Variants in ATRNL1 observed in about 807,000 individuals in gnomAD.
The protein encoded by ATRNL1 is attractin like 1, also known as attractin-like protein 1.
A neutral mutation model predicts 182.7 loss-of-function variants in ATRNL1; 95 were observed. The ratio of observed to expected loss-of-function variants is 0.52; its 90% CI spans 0.44 to 0.62. The LOEUF (loss-of-function observed/expected upper bound fraction) is 0.62. Among genes scored for constraint, ATRNL1 ranks in the 20% least tolerant of loss-of-function variants. ATRNL1 has a pLI of 0.00. For synonymous variants in ATRNL1, 576 were observed against 568.3 expected, an observed-to-expected ratio of 1.01 and a Z score of -0.19; for missense variants, 1,471 against 1,679.5, an observed-to-expected ratio of 0.88 and a Z score of 2.17.
chr10:115,257,284 A>T, intron 10 of ATRNL1, among the ~76,000 whole-genome samples: 1 of 152,168 alleles, frequency 6.6e-6, no homozygotes, highest in East Asian at 1.9e-4. Context: ...TAGGTCTCCA[A>T]GGGCTTGCTT....
At chr10:115,588,996 GT>G (rs1319887478) in intron 26 of ATRNL1, among the ~76,000 whole-genome samples, 1 of 152,102 alleles carries the variant, frequency 6.6e-6, no homozygotes, top group Non-Finnish European at 1.5e-5. Context: ...TGCTAAATAA[GT>G]TATGACTAAC....
chr10:115,326,802 T>G (rs1854914398), intron 18 of ATRNL1, among the ~76,000 whole-genome samples: 1 of 152,174 alleles, frequency 6.6e-6, no homozygotes, highest in South Asian at 2.1e-4. Flanking sequence ...TATCTGATCT[T>G]TGACAAACCT....
At chr10:115,448,746 G>GT (rs1163290475) in intron 21 of ATRNL1, among the ~76,000 whole-genome samples, 1 of 152,008 alleles carries the variant, frequency 6.6e-6, no homozygotes, top group African/African-American at 2.4e-5. Flanking sequence ...CTAGGAGTTG[G>GT]TTTTTTGAAA....
At position 115,383,846 on chromosome 10, in the gene ATRNL1, C is replaced by A. The variant is rs782185086; in HGVS notation, c.3176-10813C>A. Among the ~76,000 whole-genome samples, 67 of 151,818 alleles carry A rather than the reference C, an allele frequency of 4.4e-4. 1 individual carries two copies. The highest frequency in any genetic ancestry group is 1.5e-4 in the Non-Finnish European group (10 of 67,826). ...GTTCAAATACTGTAAAATTTAGTTA[C>A]CTTTTCCAAATACAGACTCAGAAAA... is the stretch of plus-strand genomic sequence containing the variant. On this transcript the variant is annotated intron_variant, in intron 19 of 28. Coordinates refer to ENST00000355044, the MANE Select transcript of ATRNL1 (RefSeq NM_207303.4).
intron 26 of ATRNL1, among the ~76,000 whole-genome samples, chr10:115,570,760 T>C (rs1464825861): frequency 6.6e-6 from 1 of 152,196 alleles, no homozygotes; most frequent in East Asian, 1.9e-4. Context: ...TCTTTGGAGC[T>C]TACTAATGAG....
At chr10:115,758,226 TGGA>T (rs1183198308) in intron 27 of ATRNL1, among the ~76,000 whole-genome samples, 5 of 152,094 alleles carry the variant, frequency 3.3e-5, no homozygotes, top group Non-Finnish European at 7.3e-5. Flanking sequence ...TGTGATCCTT[TGGA>T]GGAGGAGAGG....
intron 26 of ATRNL1, among the ~76,000 whole-genome samples, chr10:115,615,079 G>A (rs1201856813): frequency 6.6e-6 from 1 of 151,636 alleles, no homozygotes; most frequent in African/African-American, 2.4e-5. Context: ...ATCATTTTCT[G>A]ATTATTGTGT....
Position 115,200,114 on chromosome 10 carries a change from A to G in ATRNL1, c.1349-15583A>G, listed in dbSNP as rs568095248. On this transcript the variant is annotated intron_variant, in intron 8 of 28. Transcript: ENST00000355044. ...CCATTAAAGTAAGATACAAAGAACA[A>G]ATACAGTTCAGTTTTATCACATTTA... Among the ~76,000 whole-genome samples, 5 of 152,180 alleles carry G rather than the reference A, an allele frequency of 3.3e-5. No homozygotes were observed. The East Asian group carries it at 9.7e-4, about 29-fold the overall frequency.
chr10:115,504,550 G>C (rs782736680), intron 24 of ATRNL1, among the ~76,000 whole-genome samples: 11 of 151,956 alleles, frequency 7.2e-5, no homozygotes, highest in Non-Finnish European at 1.3e-4. Flanking sequence ...CTTGGGCTGG[G>C]TTTAAAGTTT....
chr10:115,100,155 G>A (rs532080904), intron 1 of ATRNL1, among the ~76,000 whole-genome samples: 1 of 152,212 alleles, frequency 6.6e-6, no homozygotes, highest in African/African-American at 2.4e-5. Context: ...TTAGCTGGTC[G>A]TGGCGGTGTG....
intron 27 of ATRNL1, among the ~76,000 whole-genome samples, chr10:115,838,483 G>A (rs1296316359): frequency 6.6e-6 from 1 of 152,142 alleles, no homozygotes; most frequent in Non-Finnish European, 1.5e-5. Flanking sequence ...TTACAGAAAA[G>A]CAGTCACTTT....
intron 9 of ATRNL1, among the ~76,000 whole-genome samples, chr10:115,226,088 G>T (rs539580359): frequency 6.6e-6 from 1 of 151,750 alleles, no homozygotes; most frequent in Admixed American, 6.6e-5. Context: ...ATAGACTAAT[G>T]CAGCAAATAG....
intron 27 of ATRNL1, among the ~76,000 whole-genome samples, chr10:115,812,010 C>A (rs1339445593): frequency 1.3e-5 from 2 of 152,022 alleles, no homozygotes; most frequent in Non-Finnish European, 2.9e-5. Flanking sequence ...TGGTAAAATA[C>A]ACATGACATA....
intron 27 of ATRNL1, among the ~76,000 whole-genome samples, chr10:115,800,170 A>G (rs889788784): frequency 2.6e-5 from 4 of 151,928 alleles, no homozygotes; most frequent in Non-Finnish European, 5.9e-5. Flanking sequence ...GAAGTTGCCA[A>G]GATGGCTCCA....
At chr10:115,384,306 A>G (rs1300530519) in intron 19 of ATRNL1, among the ~76,000 whole-genome samples, 4 of 152,016 alleles carry the variant, frequency 2.6e-5, no homozygotes, top group African/African-American at 9.7e-5. Context: ...ATATCCAAGA[A>G]ATCACTACCA....
intron 24 of ATRNL1, among the ~76,000 whole-genome samples, chr10:115,509,365 A>G (rs910496901): frequency 4.6e-5 from 7 of 151,982 alleles, no homozygotes; most frequent in Admixed American, 3.9e-4. Flanking sequence ...GTTCAGTTGT[A>G]ATCCCCAGTG....
At chr10:115,751,193 G>A (rs1348209691) in intron 27 of ATRNL1, among the ~76,000 whole-genome samples, 9 of 151,968 alleles carry the variant, frequency 5.9e-5, no homozygotes, top group Non-Finnish European at 1.3e-4. Context: ...GCCTTTGAAG[G>A]TGGAAGGGGA....
intron 8 of ATRNL1, among the ~76,000 whole-genome samples, chr10:115,211,815 T>C (rs1188045817): frequency 7.0e-6 from 1 of 143,530 alleles, no homozygotes; most frequent in Non-Finnish European, 1.5e-5. Context: ...CCTGTGTCTA[T>C]GTGTTCTCAT....
intron 26 of ATRNL1, among the ~76,000 whole-genome samples, chr10:115,726,687 T>C (rs1180455737): frequency 6.6e-6 from 1 of 152,214 alleles, no homozygotes; most frequent in African/African-American, 2.4e-5. Context: ...AAACAGAGGC[T>C]TTGAACAAAA....
Sources: gnomAD v4.1 joint callset for allele counts (sites outside exome capture counted in the v4.1 genomes callset) on GRCh38, gnomAD v4.1.1 for gene constraint, MANE v1.5 for transcripts, NCBI Gene and HGNC (gene_info 2026-07-23, HGNC 2026-07-21) for gene names.